The following ZNF618 variants were observed in gnomAD, a reference collection of about 807,000 sequenced individuals.
ZNF618 encodes zinc finger protein 618.
ZNF618 carries 34 observed loss-of-function variants against 103.0 expected under a neutral mutation model. The ratio of observed to expected loss-of-function variants is 0.33; its 90% CI spans 0.25 to 0.44. ZNF618 has a LOEUF of 0.44. Ranked by LOEUF, ZNF618 falls within the 20% of genes least tolerant of loss-of-function variation. The pLI, the probability that ZNF618 is intolerant of heterozygous loss-of-function variation, is 1.00. For missense variants in ZNF618, 1,059 were observed against 1,295.4 expected (o/e 0.82, Z 2.80); for synonymous variants, 551 against 542.2 (o/e 1.02, Z -0.23).
chr9:113,932,582 A>T (rs1022037998), intron 1 of ZNF618, among the ~76,000 whole-genome samples: 2 of 152,084 alleles, frequency 1.3e-5, no homozygotes, highest in African/African-American at 4.8e-5. Flanking sequence ...TGGTGGAGAG[A>T]GAGTGAGGAG....
intron 9 of ZNF618, among the ~76,000 whole-genome samples, chr9:114,009,468 T>C (rs1288583137): frequency 6.6e-6 from 1 of 152,064 alleles, no homozygotes; most frequent in Non-Finnish European, 1.5e-5. Context: ...GGAAGCCCCA[T>C]TTTGCTGCTG....
At chr9:114,033,892 G>A (rs910629326) in intron 12 of ZNF618, among the ~76,000 whole-genome samples, 3 of 152,166 alleles carry the variant, frequency 2.0e-5, no homozygotes, top group Admixed American at 6.5e-5. Context: ...CACAACTGTC[G>A]GGGACCCTCT....
At chr9:113,953,876 G>A (rs78052980) in intron 1 of ZNF618, among the ~76,000 whole-genome samples, 1 of 152,094 alleles carries the variant, frequency 6.6e-6, no homozygotes, top group African/African-American at 2.4e-5. Context: ...GTAATAAAAA[G>A]ATGACTGAGT....
At chr9:114,007,054 C>G (rs1841813335) in intron 6 of ZNF618, among the ~76,000 whole-genome samples, 1 of 152,196 alleles carries the variant, frequency 6.6e-6, no homozygotes, top group African/African-American at 2.4e-5. Flanking sequence ...AAGTCAGTTA[C>G]CAGGTCTAGT....
intron 1 of ZNF618, among the ~76,000 whole-genome samples, chr9:113,960,894 A>G (rs1165851959): frequency 6.6e-6 from 1 of 151,864 alleles, no homozygotes; most frequent in Non-Finnish European, 1.5e-5. Context: ...CTAGTCAGGA[A>G]CTCCTTGTGT....
intron 1 of ZNF618, among the ~76,000 whole-genome samples, chr9:113,924,367 C>T (rs556847419): frequency 6.6e-6 from 1 of 150,572 alleles, no homozygotes; most frequent in Non-Finnish European, 1.5e-5. Flanking sequence ...GTAGTGATGA[C>T]CCCGTTCGAT....
In ZNF618 at chr9:114,048,733, G is replaced by A. The variant is rs375942993; in HGVS notation, c.1431G>A (p.Met477Ile). The A allele has an allele frequency of 1.2e-6, 2 of 1,613,940 alleles. No homozygotes were observed. Among genetic ancestry groups the A allele is most frequent in the African/African-American group, 2.7e-5 (2 of 74,950 alleles). ...TCGCAGAGCGGCTGTTGAGGGTCATGTGTGCCGACCTGGGTGCACTGAGCG... is the reference window on the plus strand; with the variant it reads ...TCGCAGAGCGGCTGTTGAGGGTCATATGTGCCGACCTGGGTGCACTGAGCG... ...QNIAERLLRVMCADLGALSVV... is the reference protein window; with the variant it reads ...QNIAERLLRVICADLGALSVV... Residue 477 changes from methionine to isoleucine, a missense_variant, in exon 15 of 15, where the codon ATG (methionine) becomes ATA (isoleucine). Coordinates refer to ENST00000374126, the MANE Select transcript of ZNF618 (RefSeq NM_001318042.2).
At chr9:113,960,048 C>G (rs1304086445) in intron 1 of ZNF618, among the ~76,000 whole-genome samples, 4 of 152,244 alleles carry the variant, frequency 2.6e-5, no homozygotes, top group African/African-American at 4.8e-5. Context: ...GCAGAGGTTT[C>G]TCAACAGCTG....
At chr9:114,010,504 A>C (rs187499301) in intron 9 of ZNF618, among the ~76,000 whole-genome samples, 14 of 152,216 alleles carry the variant, frequency 9.2e-5, no homozygotes, top group African/African-American at 3.1e-4. Context: ...CAGGAGATTG[A>C]GACCATCCTG....
chr9:113,951,516 T>TGTGTGCAC (rs1491574870), intron 1 of ZNF618, among the ~76,000 whole-genome samples: 1 of 83,274 alleles, frequency 1.2e-5, no homozygotes, highest in African/African-American at 4.1e-5. Context: ...TATATGTGTG[T>TGTGTGCAC]ATATGTACAC....
intron 1 of ZNF618, among the ~76,000 whole-genome samples, chr9:113,955,428 C>T (rs1202313569): frequency 1.3e-5 from 2 of 152,052 alleles, no homozygotes; most frequent in South Asian, 4.1e-4. Context: ...CTTCATGGGC[C>T]TCTCATTTTG....
chr9:113,969,338 C>G (rs1468314234), intron 2 of ZNF618, among the ~76,000 whole-genome samples, 178 bp downstream of exon 2: 1 of 152,210 alleles, frequency 6.6e-6, no homozygotes. Flanking sequence ...AAAGCATTTT[C>G]CATGTGGCTA....
intron 9 of ZNF618, among the ~76,000 whole-genome samples, chr9:114,013,428 A>C (rs1156564734): frequency 6.6e-6 from 1 of 152,032 alleles, no homozygotes; most frequent in African/African-American, 2.4e-5. Flanking sequence ...GGTTTTATTT[A>C]TTTTTTATTT....
At chr9:113,879,377 A>ACTGTTTTTTTTTTTTTT (rs1287196187) in intron 1 of ZNF618, among the ~76,000 whole-genome samples, 1 of 131,140 alleles carries the variant, frequency 7.6e-6, no homozygotes, top group Non-Finnish European at 1.6e-5. Flanking sequence ...GTTTTGTAGA[A>ACTGTTTTTTTTTTTTTT]CTGTTTTTTT....
intron 10 of ZNF618, among the ~76,000 whole-genome samples, chr9:114,027,146 C>G (rs183930707): frequency 8.0e-4 from 122 of 152,294 alleles, no homozygotes; most frequent in African/African-American, 2.7e-3. Context: ...AAGCAATCAC[C>G]TGGTGGGACT....
At chr9:113,983,828 A>G (rs1839197539) in intron 2 of ZNF618, among the ~76,000 whole-genome samples, 1 of 152,100 alleles carries the variant, frequency 6.6e-6, no homozygotes, top group South Asian at 2.1e-4. Context: ...CCTGTGATGC[A>G]TTCATGCCTG....
chr9:113,904,627 A>G (rs1830827832), intron 1 of ZNF618, among the ~76,000 whole-genome samples: 1 of 152,186 alleles, frequency 6.6e-6, no homozygotes. Flanking sequence ...ACACAAATTT[A>G]TTGTCTTGTA....
At chr9:113,956,768 C>G (rs1251857481) in intron 1 of ZNF618, among the ~76,000 whole-genome samples, 1 of 152,174 alleles carries the variant, frequency 6.6e-6, no homozygotes, top group African/African-American at 2.4e-5. Flanking sequence ...ACAGCCTTAG[C>G]AAGTTTCAGA....
chr9:114,007,407 T>A lies in ZNF618; in HGVS notation c.608T>A (p.Phe203Tyr). The change falls in exon 7 of 15, where the codon TTC becomes TAC. Residue 203 changes from phenylalanine (F) to tyrosine (Y), a missense_variant. Phe to Tyr is a conservative substitution (Grantham distance 22). Around this residue, in one of 6 missense-constraint regions of ZNF618, gnomAD observed 434 missense variants for 476.0 expected, o/e 0.91. Coordinates refer to ENST00000374126, the MANE Select transcript of ZNF618 (RefSeq NM_001318042.2). Reference protein sequence around the residue: ...CGKKYKYYSCFQEHRDLHAVD... With the variant: ...CGKKYKYYSCYQEHRDLHAVD... ...AAGAAGTACAAATACTACAGCTGTT[T>A]CCAAGAGCACCGAGACCTGCACGCA... 1 of 1,590,814 alleles carries A rather than the reference T, an allele frequency of 6.3e-7. No individual in the cohort carries two copies. Among genetic ancestry groups the A allele is most frequent in the East Asian group, 2.3e-5 (1 of 43,626 alleles).
Sources: gnomAD v4.1 joint callset for allele counts (sites outside exome capture counted in the v4.1 genomes callset) on GRCh38, gnomAD v4.1.1 for gene constraint, gnomAD v4.1.1 regional missense constraint, MANE v1.5 for transcripts, NCBI Gene and HGNC (gene_info 2026-07-23, HGNC 2026-07-21) for gene names.